FRMD4A: variants seen among roughly 807,000 people sequenced by gnomAD.
FRMD4A encodes the protein FERM domain-containing protein 4A.
FRMD4A carries 29 observed loss-of-function variants against 129.1 expected under a neutral mutation model. The ratio of observed to expected loss-of-function variants is 0.22; its 90% confidence interval spans 0.17 to 0.31. The LOEUF (loss-of-function observed/expected upper bound fraction) is 0.31. FRMD4A is among the 10% of genes least tolerant of loss of function. FRMD4A has a pLI of 1.00. For synonymous variants in FRMD4A, 634 were observed against 571.6 expected, an observed-to-expected ratio of 1.11 and a Z score of -1.56; for missense variants, 1,272 against 1,375.8, an observed-to-expected ratio of 0.92 and a Z score of 1.19.
At chr10:14,104,524 G>T (rs978806509) in intron 2 of FRMD4A, among the ~76,000 whole-genome samples, 4 of 152,228 alleles carry the variant, frequency 2.6e-5, no homozygotes, top group African/African-American at 9.6e-5. Context: ...GCCACACAGA[G>T]CCTATCTATG....
intron 2 of FRMD4A, among the ~76,000 whole-genome samples, chr10:14,115,995 A>G (rs1446611898): frequency 1.3e-5 from 2 of 152,250 alleles, no homozygotes; most frequent in Admixed American, 6.5e-5. Flanking sequence ...ATTGCCCATA[A>G]TAAACACTCA....
At chr10:14,319,442 T>C (rs1207170855) in intron 2 of FRMD4A, among the ~76,000 whole-genome samples, 1 of 151,246 alleles carries the variant, frequency 6.6e-6, no homozygotes, top group Non-Finnish European at 1.5e-5. Context: ...CATGCATATG[T>C]TCCTAGTTCG....
At chr10:14,089,979 A>G (rs1836565374) in intron 2 of FRMD4A, among the ~76,000 whole-genome samples, 1 of 152,386 alleles carries the variant, frequency 6.6e-6, no homozygotes, top group East Asian at 1.9e-4. Context: ...CAGGGCCGAT[A>G]TTCTCTAGAA....
chr10:14,115,095 T>C (rs1272411142), intron 2 of FRMD4A, among the ~76,000 whole-genome samples: 4 of 152,222 alleles, frequency 2.6e-5, no homozygotes, highest in Non-Finnish European at 5.9e-5. Flanking sequence ...CCAGAGACTG[T>C]GCTGTGTTCT....
At chr10:13,656,307 T>C (rs1329786783) in intron 22 of FRMD4A, among the ~76,000 whole-genome samples, 2 of 152,230 alleles carry the variant, frequency 1.3e-5, no homozygotes, top group East Asian at 3.9e-4. Flanking sequence ...TTTGGTTGGA[T>C]AAACCCAGAG....
chr10:13,900,131 G>A (rs1162354828), intron 2 of FRMD4A, among the ~76,000 whole-genome samples: 2 of 152,124 alleles, frequency 1.3e-5, no homozygotes, highest in Non-Finnish European at 2.9e-5. Flanking sequence ...GTCAATTAGA[G>A]GCCAATTCTG....
At chr10:14,302,997 T>C (rs945169378) in intron 2 of FRMD4A, among the ~76,000 whole-genome samples, 2 of 152,140 alleles carry the variant, frequency 1.3e-5, no homozygotes. Flanking sequence ...AAAAGATGGA[T>C]ATCTCAGGCA....
At chr10:14,124,904 C>A (rs574414056) in intron 2 of FRMD4A, among the ~76,000 whole-genome samples, 17 of 152,120 alleles carry the variant, frequency 1.1e-4, no homozygotes, top group Non-Finnish European at 2.2e-4. Flanking sequence ...CCTTGGTGAC[C>A]CATGATAACA....
chr10:14,089,531 G>A (rs1416248332), intron 2 of FRMD4A, among the ~76,000 whole-genome samples: 1 of 151,302 alleles, frequency 6.6e-6, no homozygotes, highest in Non-Finnish European at 1.5e-5. Flanking sequence ...TGGTTTTGGT[G>A]GCAGCTTTTG....
intron 2 of FRMD4A, among the ~76,000 whole-genome samples, chr10:14,272,713 C>T (rs1845204482): frequency 6.6e-6 from 1 of 152,148 alleles, no homozygotes; most frequent in Non-Finnish European, 1.5e-5. Context: ...CAGTGAGTGA[C>T]ACTTTGAAGC....
chr10:13,818,654 T>G (rs2093583892), intron 3 of FRMD4A, among the ~76,000 whole-genome samples: 1 of 152,178 alleles, frequency 6.6e-6, no homozygotes, highest in African/African-American at 2.4e-5. Context: ...TTACTAAACC[T>G]CTCTGTGCCT....
intron 2 of FRMD4A, among the ~76,000 whole-genome samples, chr10:13,957,078 A>T (rs555991896): frequency 6.6e-6 from 1 of 152,308 alleles, no homozygotes; most frequent in East Asian, 1.9e-4. Context: ...AACCACGGGG[A>T]AACCCAAACA....
chr10:13,962,101 C>T (rs533496776), intron 2 of FRMD4A, among the ~76,000 whole-genome samples: 66 of 152,226 alleles, frequency 4.3e-4, no homozygotes, highest in African/African-American at 1.5e-3. Context: ...AATGGAGAAG[C>T]GGAGGAATTT....
intron 2 of FRMD4A, among the ~76,000 whole-genome samples, chr10:14,002,982 G>A (rs1392517969): frequency 3.3e-5 from 5 of 152,184 alleles, no homozygotes; most frequent in Non-Finnish European, 4.4e-5. Flanking sequence ...GGTGAGGCTG[G>A]AGGGCTGTGA....
chr10:14,026,905 G>C (rs921999872), intron 2 of FRMD4A, among the ~76,000 whole-genome samples: 1 of 152,164 alleles, frequency 6.6e-6, no homozygotes, highest in Non-Finnish European at 1.5e-5. Flanking sequence ...GTTTTCCAGC[G>C]ATCTCAGAGG....
intron 12 of FRMD4A, among the ~76,000 whole-genome samples, chr10:13,732,410 C>A (rs564349968): frequency 6.6e-6 from 1 of 152,260 alleles, no homozygotes; most frequent in South Asian, 2.1e-4. Flanking sequence ...AGTGTGCCGA[C>A]GGGTTGCCAA....
chr10:14,273,178 G>A (rs1845223631), intron 2 of FRMD4A, among the ~76,000 whole-genome samples: 1 of 152,128 alleles, frequency 6.6e-6, no homozygotes, highest in Non-Finnish European at 1.5e-5. Context: ...GATTGCTTGA[G>A]CTTGGGAGGT....
At chr10:14,297,525 G>T (rs2132084330) in intron 2 of FRMD4A, among the ~76,000 whole-genome samples, 1 of 152,248 alleles carries the variant, frequency 6.6e-6, no homozygotes, top group African/African-American at 2.4e-5. Context: ...CATTTGTGAG[G>T]TGAACAAATA....
intron 2 of FRMD4A, among the ~76,000 whole-genome samples, chr10:14,048,847 GAATA>G (rs1834110261): frequency 2.1e-5 from 2 of 95,176 alleles, no homozygotes; most frequent in Non-Finnish European, 4.1e-5. Context: ...GAATAGAATA[GAATA>G]GAATAGAATA....
Sources: allele counts gnomAD v4.1 joint callset (sites outside exome capture counted in the v4.1 genomes callset), GRCh38; gene constraint gnomAD v4.1.1; transcripts MANE v1.5; gene names NCBI Gene and HGNC (gene_info 2026-07-23, HGNC 2026-07-21).